The following STK33 variants were observed in gnomAD, a reference collection of about 807,000 sequenced individuals.
STK33 encodes the protein serine/threonine-protein kinase 33.
A neutral mutation model predicts 58.0 loss-of-function variants in STK33; 52 were observed. The ratio of observed to expected loss-of-function variants is 0.90; its 90% confidence interval spans 0.72 to 1.13. The LOEUF (loss-of-function observed/expected upper bound fraction) is 1.13, where lower values mean the gene tolerates loss of function less well. STK33 is among the 50% of genes most tolerant of loss of function. STK33 has a pLI of 0.00. For missense variants in STK33, 630 were observed against 604.2 expected, an observed-to-expected ratio of 1.04 and a Z score of -0.45; for synonymous variants, 215 against 200.1, an observed-to-expected ratio of 1.07 and a Z score of -0.63.
At chr11:8,518,897 C>G (rs1042008595) in intron 1 of STK33, among the ~76,000 whole-genome samples, 4 of 152,154 alleles carry the variant, frequency 2.6e-5, no homozygotes, top group Non-Finnish European at 4.4e-5. Flanking sequence ...TAATGGGAGA[C>G]TTTAACACCC....
intron 14 of STK33, among the ~76,000 whole-genome samples, chr11:8,426,637 G>GT (rs538046451): frequency 3.4e-4 from 52 of 152,106 alleles, no homozygotes; most frequent in Admixed American, 2.9e-3. Context: ...TTTATTTTGT[G>GT]TTTTTTTCAA....
At chr11:8,343,931 T>C in the STK33 span, among the ~76,000 whole-genome samples, 1 of 152,166 alleles carries the variant, frequency 6.6e-6, no homozygotes, top group Non-Finnish European at 1.5e-5. Context: ...CAGCTTAGCT[T>C]TGACTGCCCT....
At chr11:8,572,920 G>C (rs1263295429) in intron 1 of STK33, among the ~76,000 whole-genome samples, 1 of 151,944 alleles carries the variant, frequency 6.6e-6, no homozygotes, top group Admixed American at 6.6e-5. Flanking sequence ...GAGCCTCAAT[G>C]ACCTGTGAGA....
the STK33 span, among the ~76,000 whole-genome samples, chr11:8,348,960 T>A: frequency 2.0e-5 from 3 of 152,236 alleles, no homozygotes; most frequent in Non-Finnish European, 4.4e-5. Flanking sequence ...GTGTCTGACC[T>A]TGAGTAAGTC....
At chr11:8,447,669 C>T (rs1001043810) in intron 11 of STK33, among the ~76,000 whole-genome samples, 1 of 152,196 alleles carries the variant, frequency 6.6e-6, no homozygotes, top group African/African-American at 2.4e-5. Context: ...GACAAACCCA[C>T]AGCCAATATC....
chr11:8,558,494 C>T (rs534216755), intron 1 of STK33, among the ~76,000 whole-genome samples: 14 of 151,858 alleles, frequency 9.2e-5, no homozygotes, highest in Admixed American at 7.2e-4. Flanking sequence ...ATATATGGCA[C>T]CTTACCTTGA....
At chr11:8,380,326 G>A in the STK33 span, among the ~76,000 whole-genome samples, 5 of 152,220 alleles carry the variant, frequency 3.3e-5, no homozygotes, top group South Asian at 4.2e-4. Context: ...TTGAGAGGCC[G>A]AGATGGGTGG....
At chr11:8,395,189 T>C (rs931322146) in intron 15 of STK33, among the ~76,000 whole-genome samples, 1 of 152,226 alleles carries the variant, frequency 6.6e-6, no homozygotes, top group African/African-American at 2.4e-5. Context: ...AAGTCTTATC[T>C]TGAATTGTAG....
chr11:8,341,301 C>A, the STK33 span, among the ~76,000 whole-genome samples: 67 of 152,322 alleles, frequency 4.4e-4, no homozygotes, highest in East Asian at 8.9e-3. Context: ...GACAGCGACC[C>A]CACAAAGCAG....
chr11:8,407,943 A>G (rs1298181546), intron 15 of STK33, among the ~76,000 whole-genome samples: 1 of 152,212 alleles, frequency 6.6e-6, no homozygotes, highest in Non-Finnish European at 1.5e-5. Context: ...AAGCATCCAG[A>G]GAAAAGTGAC....
At chr11:8,444,313 T>C (rs1210111458) in intron 11 of STK33, among the ~76,000 whole-genome samples, 1 of 152,198 alleles carries the variant, frequency 6.6e-6, no homozygotes, top group Non-Finnish European at 1.5e-5. Context: ...AAAAAACTAT[T>C]GTCTTCTAAA....
chr11:8,381,554 T>C, the STK33 span, among the ~76,000 whole-genome samples: 5 of 152,018 alleles, frequency 3.3e-5, no homozygotes, highest in Non-Finnish European at 7.4e-5. Flanking sequence ...ACAGTGAACA[T>C]CCTGAATGCA....
chr11:8,443,738 C>T (rs1054907771), intron 11 of STK33, among the ~76,000 whole-genome samples: 2 of 152,132 alleles, frequency 1.3e-5, no homozygotes, highest in Non-Finnish European at 2.9e-5. Context: ...GTGGCTCATA[C>T]CTATAATCCC....
chr11:8,581,902 T>C (rs1038375591), intron 1 of STK33, among the ~76,000 whole-genome samples: 1 of 152,248 alleles, frequency 6.6e-6, no homozygotes, highest in African/African-American at 2.4e-5. Flanking sequence ...TCTACATCTA[T>C]TACCCCAGGT....
chr11:8,461,854 A>G lies in STK33; in HGVS notation c.509T>C (p.Val170Ala), dbSNP rs1400291789. 5.6e-6 allele frequency: 9 copies of G among 1,603,424 alleles called. No individual in the cohort carries two copies. The highest frequency in any genetic ancestry group is 4.6e-5 in the East Asian group (2 of 43,874). The change falls in exon 8 of 16, where the codon GTA (valine) becomes GCA (alanine). Residue 170 changes from valine (V) to alanine (A), a missense_variant. By Grantham distance (64) the Val-to-Ala change is moderately conservative. Coordinates refer to ENST00000687296, the MANE Select transcript of STK33 (RefSeq NM_001352389.2). ...LEREVNILKS[V>A]KHEHIIHLEQ... ...CAGATGTATGATGTGTTCATGTTTTACACTTTTCAGAATGTTCACCTCTCG... is the reference window on the plus strand; with the variant it reads ...CAGATGTATGATGTGTTCATGTTTTGCACTTTTCAGAATGTTCACCTCTCG...
Position 8,392,504 on chromosome 11 carries a change from G to T in STK33, c.*6C>A. ...GTTTTTGTACTGTCCAACACTGGAG[G>T]GAACCTTAGAGTTTCTTTTTGGTTC... On this transcript the variant is annotated 3_prime_UTR_variant, in exon 16 of 16. Transcript: ENST00000687296. 6.2e-7 allele frequency: 1 copy of T among 1,614,058 alleles called. No individual in the cohort carries two copies. The highest frequency in any genetic ancestry group is 2.2e-5 in the East Asian group (1 of 44,880).
At chr11:8,469,001 TC>T (rs1308168053) in intron 6 of STK33, among the ~76,000 whole-genome samples, 1 of 152,216 alleles carries the variant, frequency 6.6e-6, no homozygotes, top group Non-Finnish European at 1.5e-5. Flanking sequence ...GCAATTGTAA[TC>T]TTTTTGCTGG....
intron 1 of STK33, among the ~76,000 whole-genome samples, chr11:8,490,004 G>A (rs1485016801): frequency 3.3e-5 from 5 of 152,282 alleles, no homozygotes; most frequent in Admixed American, 2.0e-4. Flanking sequence ...TGTGATCAAC[G>A]CAGAAGATGG....
chr11:8,453,566 T>A (rs762779451), intron 10 of STK33, among the ~76,000 whole-genome samples: 2 of 152,256 alleles, frequency 1.3e-5, no homozygotes, highest in Admixed American at 1.3e-4. Context: ...GTGCCGCAAC[T>A]GTAGGCCTTC....
Sources: gnomAD v4.1 joint callset for allele counts (sites outside exome capture counted in the v4.1 genomes callset) on GRCh38, gnomAD v4.1.1 for gene constraint, MANE v1.5 for transcripts, NCBI Gene and HGNC (gene_info 2026-07-23, HGNC 2026-07-21) for gene names.